Variants in DLGAP1 observed in about 807,000 individuals in gnomAD.
DLGAP1 encodes the protein DLG associated protein 1, also known as disks large-associated protein 1.
DLGAP1 carries 11 observed loss-of-function variants against 90.8 expected under a neutral mutation model. That is an observed-to-expected ratio of 0.12 (90% CI 0.08 to 0.20). DLGAP1 has a LOEUF of 0.20. DLGAP1 is among the 10% of genes least tolerant of loss of function. DLGAP1 has a pLI of 1.00. For missense variants in DLGAP1, 1,050 were observed against 1,333.8 expected (o/e 0.79, Z 3.31); for synonymous variants, 558 against 540.7 (o/e 1.03, Z -0.44).
At chr18:3,898,548 A>G (rs1017197057) in intron 3 of DLGAP1, among the ~76,000 whole-genome samples, 6 of 152,310 alleles carry the variant, frequency 3.9e-5, no homozygotes, top group Admixed American at 2.0e-4. Context: ...ACCTTTTGTC[A>G]CTCAACACAG....
At chr18:3,602,042 G>T (rs1041934727) in intron 7 of DLGAP1, among the ~76,000 whole-genome samples, 1 of 151,712 alleles carries the variant, frequency 6.6e-6, no homozygotes, top group South Asian at 2.1e-4. Context: ...TAAAACATAT[G>T]ATTTACCTTG....
intron 1 of DLGAP1, among the ~76,000 whole-genome samples, chr18:4,204,915 C>A (rs1568449690): frequency 6.6e-6 from 1 of 150,568 alleles, no homozygotes; most frequent in Non-Finnish European, 1.5e-5. Flanking sequence ...CTTTCATAAT[C>A]CATTTGAACT....
intron 1 of DLGAP1, among the ~76,000 whole-genome samples, chr18:4,230,537 A>T (rs2078278803): frequency 6.6e-6 from 1 of 151,954 alleles, no homozygotes; most frequent in South Asian, 2.1e-4. Flanking sequence ...GCACAAAAAG[A>T]CAAACTTCAC....
intron 5 of DLGAP1, among the ~76,000 whole-genome samples, chr18:3,747,195 T>C (rs58770760): frequency 6.6e-6 from 1 of 152,064 alleles, no homozygotes; most frequent in Non-Finnish European, 1.5e-5. Context: ...TTTTTTAATA[T>C]AAAAAAGTAA....
chr18:3,772,914 C>T (rs973847734), intron 5 of DLGAP1, among the ~76,000 whole-genome samples: 1 of 151,982 alleles, frequency 6.6e-6, no homozygotes, highest in Non-Finnish European at 1.5e-5. Flanking sequence ...TGGCAGAGGG[C>T]CTCACCTCTT....
intron 1 of DLGAP1, among the ~76,000 whole-genome samples, chr18:4,397,664 G>T (rs1380939695): frequency 6.6e-6 from 1 of 152,004 alleles, no homozygotes; most frequent in Non-Finnish European, 1.5e-5. Context: ...AAACTGTCCT[G>T]AATCTGGAAT....
intron 1 of DLGAP1, among the ~76,000 whole-genome samples, chr18:4,344,224 T>G (rs915309193): frequency 6.6e-6 from 1 of 152,208 alleles, no homozygotes. Context: ...CTTTTTGTCA[T>G]GCACTATGCG....
At chr18:4,115,156 G>A (rs980452975) in intron 2 of DLGAP1, among the ~76,000 whole-genome samples, 5 of 151,876 alleles carry the variant, frequency 3.3e-5, no homozygotes, top group Non-Finnish European at 5.9e-5. Context: ...TGCTTACCAT[G>A]CATGTCTTAT....
At chr18:3,507,181 A>G (rs12606494) in intron 11 of DLGAP1, among the ~76,000 whole-genome samples, 63,136 of 151,836 alleles carry the variant, frequency 0.42, 13,860 homozygotes, top group East Asian at 0.68. Flanking sequence ...CCTTGTTAAC[A>G]AGAAGTGGTT....
chr18:3,954,381 G>T (rs2073045450), intron 3 of DLGAP1, among the ~76,000 whole-genome samples: 1 of 152,232 alleles, frequency 6.6e-6, no homozygotes, highest in Non-Finnish European at 1.5e-5. Context: ...ATGTTAAGTG[G>T]TGTGAACAGA....
At chr18:4,255,457 G>A (rs1182120441) in intron 1 of DLGAP1, among the ~76,000 whole-genome samples, 1 of 149,390 alleles carries the variant, frequency 6.7e-6, no homozygotes, top group African/African-American at 2.5e-5. Flanking sequence ...TGTATATACA[G>A]CCAAAAGAGA....
chr18:4,120,941 G>T (rs571983741), intron 2 of DLGAP1, among the ~76,000 whole-genome samples: 1 of 152,320 alleles, frequency 6.6e-6, no homozygotes, highest in Non-Finnish European at 1.5e-5. Flanking sequence ...GGTAGACACA[G>T]ACCCTGTTCT....
At chr18:4,147,235 G>A (rs2076599036) in intron 2 of DLGAP1, among the ~76,000 whole-genome samples, 1 of 152,176 alleles carries the variant, frequency 6.6e-6, no homozygotes, top group South Asian at 2.1e-4. Context: ...CACACAACCA[G>A]CGGCTCTTTC....
In DLGAP1 at chr18:4,454,255, A is replaced by G. The variant is rs972456449; in HGVS notation, c.-267+751T>C. 6.6e-6 allele frequency among the ~76,000 whole-genome samples: 1 copy of G among 152,170 alleles called. No individual in the cohort carries two copies. The highest frequency in any genetic ancestry group is 1.5e-5 in the Non-Finnish European group (1 of 68,034). On this transcript the variant is annotated intron_variant, in intron 1 of 12. Coordinates refer to ENST00000315677, the MANE Select transcript of DLGAP1 (RefSeq NM_004746.4). This position sits in a 1 kb window ranked among gnomAD's most constrained non-coding sequence, Gnocchi z 4.7. ...TGCAATGTGTTATCTCGCCCAGCCC[A>G]GAGGAGAGGTCCCTGTTTGGCCTTG...
intron 1 of DLGAP1, among the ~76,000 whole-genome samples, chr18:4,175,676 T>G (rs2077095863): frequency 6.6e-6 from 1 of 152,218 alleles, no homozygotes; most frequent in East Asian, 1.9e-4. Flanking sequence ...GAATAGGAGA[T>G]CCTTTCCCCA....
chr18:3,502,765 C>T (rs368804249), intron 11 of DLGAP1, 120 bp from the exon 12 acceptor site: 26 of 1,110,688 alleles, frequency 2.3e-5, no homozygotes, highest in Admixed American at 1.7e-4. Context: ...TTTGGTTTTC[C>T]GACACGAGGT....
chr18:4,036,965 C>A (rs896365732), intron 2 of DLGAP1, among the ~76,000 whole-genome samples: 4 of 152,210 alleles, frequency 2.6e-5, no homozygotes, highest in African/African-American at 7.2e-5. Context: ...TTTTGCCTGA[C>A]AAAATTCCTT....
intron 7 of DLGAP1, among the ~76,000 whole-genome samples, chr18:3,655,269 C>A (rs1381805457): frequency 2.6e-5 from 4 of 152,064 alleles, no homozygotes; most frequent in Non-Finnish European, 4.4e-5. Context: ...GAACACACAC[C>A]CCCCCAAAAC....
At chr18:4,306,266 T>G (rs2080256524) in intron 1 of DLGAP1, among the ~76,000 whole-genome samples, 1 of 152,100 alleles carries the variant, frequency 6.6e-6, no homozygotes, top group South Asian at 2.1e-4. Flanking sequence ...CTAGGAAAGT[T>G]GGCTACAAAG....
Sources: allele counts gnomAD v4.1 joint callset (sites outside exome capture counted in the v4.1 genomes callset), GRCh38; gene constraint gnomAD v4.1.1; non-coding constraint Gnocchi (gnomAD v3.1); transcripts MANE v1.5; gene names NCBI Gene and HGNC (gene_info 2026-07-23, HGNC 2026-07-21).